Variants in LRMDA observed in about 807,000 individuals in gnomAD.
LRMDA encodes leucine rich melanocyte differentiation associated.
A neutral mutation model predicts 29.8 loss-of-function variants in LRMDA; 18 were observed. The ratio of observed to expected loss-of-function variants is 0.60; its 90% CI spans 0.42 to 0.90. The LOEUF (loss-of-function observed/expected upper bound fraction) is 0.90, where lower values mean the gene tolerates loss of function less well. LRMDA is among the 40% of genes least tolerant of loss of function. The pLI, the probability that LRMDA is intolerant of heterozygous loss-of-function variation, is 0.00. For missense variants in LRMDA, 273 were observed against 273.9 expected, an observed-to-expected ratio of 1.00 and a Z score of 0.02; for synonymous variants, 125 against 109.4, an observed-to-expected ratio of 1.14 and a Z score of -0.89.
At chr10:76,233,053 G>C (rs1485633520) in intron 5 of LRMDA, among the ~76,000 whole-genome samples, 1 of 152,198 alleles carries the variant, frequency 6.6e-6, no homozygotes, top group African/African-American at 2.4e-5. Context: ...TCTCAGTCTG[G>C]TCCAAGAATT....
chr10:75,486,662 G>A (rs1844918300), intron 2 of LRMDA, among the ~76,000 whole-genome samples: 1 of 152,112 alleles, frequency 6.6e-6, no homozygotes, highest in East Asian at 1.9e-4. Flanking sequence ...GGCAACATGA[G>A]CAAAGTTGGG....
intron 2 of LRMDA, among the ~76,000 whole-genome samples, chr10:75,535,131 G>A (rs987269873): frequency 3.9e-5 from 6 of 152,118 alleles, no homozygotes; most frequent in Non-Finnish European, 8.8e-5. Context: ...TTCTAAATTA[G>A]AAATTCATTG....
At chr10:76,221,907 G>T (rs1198758625) in intron 5 of LRMDA, among the ~76,000 whole-genome samples, 2 of 151,942 alleles carry the variant, frequency 1.3e-5, no homozygotes, top group South Asian at 4.2e-4. Context: ...CATGGTACTG[G>T]TACCAAAACA....
intron 2 of LRMDA, among the ~76,000 whole-genome samples, chr10:75,736,873 C>T (rs1408139314): frequency 3.3e-5 from 5 of 152,070 alleles, no homozygotes; most frequent in Admixed American, 6.5e-5. Flanking sequence ...CCAAATGCAC[C>T]TTTGTTGCCA....
At chr10:76,148,546 C>A (rs1850376684) in intron 5 of LRMDA, among the ~76,000 whole-genome samples, 3 of 152,114 alleles carry the variant, frequency 2.0e-5, no homozygotes, top group Admixed American at 2.0e-4. Context: ...TGGAAAAGCA[C>A]AGTATTAGGG....
At chr10:75,458,407 C>T (rs913507378) in intron 2 of LRMDA, among the ~76,000 whole-genome samples, 6 of 152,004 alleles carry the variant, frequency 3.9e-5, no homozygotes, top group African/African-American at 7.3e-5. Flanking sequence ...GCCAGGTTTC[C>T]CTTGGGCAAG....
chr10:76,279,228 G>T (rs1840172178), intron 5 of LRMDA, among the ~76,000 whole-genome samples: 1 of 152,186 alleles, frequency 6.6e-6, no homozygotes, highest in Non-Finnish European at 1.5e-5. Flanking sequence ...TATGACCTTG[G>T]ACAAGTTACT....
At chr10:75,940,802 G>A (rs1429823708) in intron 2 of LRMDA, among the ~76,000 whole-genome samples, 1 of 152,050 alleles carries the variant, frequency 6.6e-6, no homozygotes, top group African/African-American at 2.4e-5. Context: ...GTGTGTGTGT[G>A]TTGAGGGGGT....
At chr10:75,568,731 G>C (rs1207805604) in intron 2 of LRMDA, among the ~76,000 whole-genome samples, 1 of 152,124 alleles carries the variant, frequency 6.6e-6, no homozygotes, top group Non-Finnish European at 1.5e-5. Context: ...CCAGCCTTTT[G>C]GTATTCTTAA....
intron 6 of LRMDA, among the ~76,000 whole-genome samples, chr10:76,485,161 A>G (rs559433217): frequency 5.3e-4 from 81 of 152,010 alleles, no homozygotes; most frequent in African/African-American, 1.9e-3. Flanking sequence ...TTGGATTAAC[A>G]TCTACCATGT....
chr10:76,208,882 G>A (rs1203124316), intron 5 of LRMDA, among the ~76,000 whole-genome samples: 1 of 151,982 alleles, frequency 6.6e-6, no homozygotes, highest in Non-Finnish European at 1.5e-5. Context: ...CGCTGGGTGC[G>A]GTGGCTCACA....
intron 6 of LRMDA, among the ~76,000 whole-genome samples, chr10:76,512,307 C>A (rs907347941): frequency 1.3e-5 from 2 of 152,176 alleles, no homozygotes; most frequent in African/African-American, 2.4e-5. Context: ...CGGACTAATA[C>A]ACTCACACTT....
At chr10:76,462,691 T>C (rs974045016) in intron 6 of LRMDA, among the ~76,000 whole-genome samples, 3 of 152,138 alleles carry the variant, frequency 2.0e-5, no homozygotes, top group African/African-American at 7.2e-5. Flanking sequence ...CAGCAGTACA[T>C]GTGAGGAGAG....
chr10:75,802,444 T>C (rs1228681331), intron 2 of LRMDA, among the ~76,000 whole-genome samples: 3 of 152,156 alleles, frequency 2.0e-5, no homozygotes, highest in Non-Finnish European at 2.9e-5. Flanking sequence ...TGTGTGCATA[T>C]AGCCACATAC....
rs1320015316 is a variant in LRMDA, at chr10:76,016,328, G to C, written c.132-19680G>C. ...TATATTACTCATTGCCCTTACATTG[G>C]GTGGCCCAAATACTCTGATTTTTTT... is the stretch of plus-strand genomic sequence containing the variant. On this transcript the variant is annotated intron_variant, in intron 2 of 6. Transcript: ENST00000611255. Among the ~76,000 whole-genome samples, 4 of 151,644 alleles carry C rather than the reference G, an allele frequency of 2.6e-5. No homozygotes were observed. The East Asian group carries it at 7.7e-4, about 29-fold the overall frequency.
At chr10:76,144,168 G>A (rs975469676) in intron 5 of LRMDA, among the ~76,000 whole-genome samples, 4 of 152,042 alleles carry the variant, frequency 2.6e-5, no homozygotes, top group African/African-American at 4.8e-5. Context: ...TTGACTTGGC[G>A]ATGCGGGCTC....
intron 2 of LRMDA, among the ~76,000 whole-genome samples, chr10:75,719,273 A>T (rs2132185675): frequency 6.6e-6 from 1 of 152,336 alleles, no homozygotes; most frequent in Middle Eastern, 3.4e-3. Flanking sequence ...TGGTGAGATG[A>T]TGTATCTGAA....
intron 2 of LRMDA, among the ~76,000 whole-genome samples, chr10:76,033,077 A>T (rs1257824424): frequency 6.6e-6 from 1 of 152,072 alleles, no homozygotes; most frequent in Non-Finnish European, 1.5e-5. Flanking sequence ...AAAAAAAATA[A>T]ATAAAGGGTA....
intron 2 of LRMDA, among the ~76,000 whole-genome samples, chr10:75,789,886 G>T (rs1358485386): frequency 6.6e-6 from 1 of 152,138 alleles, no homozygotes; most frequent in Non-Finnish European, 1.5e-5. Flanking sequence ...GAGAAGAAAA[G>T]AGAAGCTGAG....
Sources: gnomAD v4.1 joint callset for allele counts (sites outside exome capture counted in the v4.1 genomes callset) on GRCh38, gnomAD v4.1.1 for gene constraint, MANE v1.5 for transcripts, NCBI Gene and HGNC (gene_info 2026-07-23, HGNC 2026-07-21) for gene names.